The following CREBBP variants were observed in gnomAD, a reference collection of about 807,000 sequenced individuals.
CREBBP encodes CREB-binding protein.
In CREBBP, 19 loss-of-function variants were observed where a neutral mutation model predicts 265.0. The observed-to-expected ratio is 0.07, with a 90% CI of 0.05 to 0.11. The LOEUF (loss-of-function observed/expected upper bound fraction) is 0.11, where lower values mean the gene tolerates loss of function less well. Ranked by LOEUF, CREBBP falls within the 10% of genes least tolerant of loss-of-function variation. The pLI, the probability that CREBBP is intolerant of heterozygous loss-of-function variation, is 1.00. For missense variants in CREBBP, 2,525 were observed against 3,219.0 expected (o/e 0.78, Z 5.22); for synonymous variants, 1,457 against 1,223.7 (o/e 1.19, Z -3.98).
At chr16:3,818,411 G>T (rs556489880) in intron 2 of CREBBP, among the ~76,000 whole-genome samples, 1 of 149,794 alleles carries the variant, frequency 6.7e-6, no homozygotes, top group Non-Finnish European at 1.5e-5. Flanking sequence ...TGGTTCAAGC[G>T]ATTCTCCCGT....
At position 3,728,282 on chromosome 16, in the gene CREBBP, G is replaced by C. The variant is rs764545471; in HGVS notation, c.6765C>G (p.Pro2255=). 1 of 1,612,100 alleles carries C rather than the reference G, an allele frequency of 6.2e-7. No individual in the cohort carries two copies. The highest frequency in any genetic ancestry group is 1.7e-5 in the Admixed American group (1 of 59,946). The change falls in exon 31 of 31, where the codon CCC becomes CCG. Residue 2255 remains proline (P), a synonymous_variant. Coordinates refer to ENST00000262367, the MANE Select transcript of CREBBP (RefSeq NM_004380.3). This position sits in a 1 kb window ranked among gnomAD's most constrained non-coding sequence, Gnocchi z 8.7. The part of the protein sequence containing the change: ...QQQQRMQQHL[P]LQGSSMGQMA... ...TCTGGCCCATGGAGCTGCCCTGGAG[G>C]GGGAGATGCTGCTGCATGCGCTGCT...
rs768978068 is a variant in CREBBP at position 3,728,505 on chromosome 16, T to C, written c.6542A>G (p.Asn2181Ser). 3.1e-6 allele frequency: 5 copies of C among 1,613,952 alleles called. No individual in the cohort carries two copies. The highest frequency in any genetic ancestry group is 3.3e-4 in the Middle Eastern group (2 of 6,062). The change falls in exon 31 of 31, where the codon AAC becomes AGC. Residue 2181 changes from asparagine (N) to serine (S), a missense_variant. By Grantham distance (46) the Asn-to-Ser change is conservative. Coordinates refer to ENST00000262367, the MANE Select transcript of CREBBP (RefSeq NM_004380.3). This position sits in a 1 kb window ranked among gnomAD's most constrained non-coding sequence, Gnocchi z 8.7. ...GTACTGTGGATTCATACTCGCCATG[T>C]TGGGGTTGTGTCCTGGGTTCATGAT... is the stretch of plus-strand genomic sequence containing the variant. ...LNIMNPGHNPNMASMNPQYRE... is the reference protein window; with the variant it reads ...LNIMNPGHNPSMASMNPQYRE...
chr16:3,726,594 A>G lies in CREBBP; in HGVS notation c.*1124T>C, dbSNP rs1366544624. On this transcript the variant is annotated 3_prime_UTR_variant, in exon 31 of 31. Transcript: ENST00000262367. ...CAAAGAACAGACTCAAAAAATATAT[A>G]TAAATAAATAAAAACCTTAAACATT... is the stretch of plus-strand genomic sequence containing the variant. The G allele has an allele frequency of 4.3e-6, 1 of 233,530 alleles. No individual in the cohort carries two copies. The highest frequency in any genetic ancestry group is 8.5e-6 in the Non-Finnish European group (1 of 118,048). 14.5% of individuals were successfully genotyped at this position (233,530 alleles called of 1,614,324 possible).
chr16:3,732,934 G>A (rs545558631), intron 28 of CREBBP, among the ~76,000 whole-genome samples: 78 of 152,060 alleles, frequency 5.1e-4, no homozygotes, highest in Middle Eastern at 6.8e-3. Flanking sequence ...TCCGGACCTC[G>A]GGTGATCCGC....
chr16:3,835,976 T>C (rs12051219), intron 2 of CREBBP, among the ~76,000 whole-genome samples: 14 of 152,130 alleles, frequency 9.2e-5, no homozygotes, highest in Admixed American at 2.0e-4. Flanking sequence ...CAAAACAGAA[T>C]ACCATTTAGC....
At chr16:3,878,757 C>T (rs900242859) in intron 1 of CREBBP, among the ~76,000 whole-genome samples, 1 of 152,140 alleles carries the variant, frequency 6.6e-6, no homozygotes, top group Non-Finnish European at 1.5e-5. Context: ...ATGCAAGCTG[C>T]GCTGGAGATG....
chr16:3,729,803 G>A lies in CREBBP; in HGVS notation c.5244C>T (p.Gly1748=). ...CCTGGCTGCTGCCCTCGTCATCCAGGCCCAGCCCCCACTTCACCATCTTAT... is the reference window on the plus strand; with the variant it reads ...CCTGGCTGCTGCCCTCGTCATCCAGACCCAGCCCCCACTTCACCATCTTAT... ...HAHKMVKWGL[G]LDDEGSSQGE... is the part of the protein sequence containing the mutation. Residue 1748 remains glycine (G), a synonymous_variant, in exon 31 of 31, where the codon GGC becomes GGT. Transcript: ENST00000262367. 1 of 1,605,962 alleles carries A rather than the reference G, an allele frequency of 6.2e-7. No homozygotes were observed.
intron 1 of CREBBP, among the ~76,000 whole-genome samples, chr16:3,853,386 G>T (rs1010425323): frequency 1.4e-5 from 2 of 146,130 alleles, no homozygotes; most frequent in Non-Finnish European, 3.0e-5. Flanking sequence ...CAAGGTAGGC[G>T]GATCACGAGG....
intron 17 of CREBBP, among the ~76,000 whole-genome samples, 161 bp downstream of exon 17, chr16:3,758,693 A>G (rs1299163681): frequency 2.0e-5 from 3 of 152,248 alleles, no homozygotes; most frequent in Non-Finnish European, 4.4e-5. Context: ...CAAACAAAAT[A>G]AACACTTTCA....
intron 13 of CREBBP, among the ~76,000 whole-genome samples, chr16:3,772,184 ATT>A (rs35580213): frequency 1.3e-5 from 2 of 149,422 alleles, no homozygotes; most frequent in African/African-American, 4.9e-5. Flanking sequence ...AGAAAAAGGT[ATT>A]TTTTTTTTAA....
chr16:3,736,026 G>C lies in CREBBP; in HGVS notation c.4728+10C>G, dbSNP rs765061112. The C allele has an allele frequency of 6.2e-7, 1 of 1,614,186 alleles. No individual in the cohort carries two copies. The highest frequency in any genetic ancestry group is 1.7e-5 in the Admixed American group (1 of 60,028). On this transcript the variant is annotated intron_variant, in intron 28 of 30. Coordinates refer to ENST00000262367, the MANE Select transcript of CREBBP (RefSeq NM_004380.3). ...CACGTGGGCAATGGAGCTCAGAGAA[G>C]GGTCTGTACCTCAGTGGTTTCACTG...
At chr16:3,869,639 T>C (rs1269788837) in intron 1 of CREBBP, among the ~76,000 whole-genome samples, 3 of 152,150 alleles carry the variant, frequency 2.0e-5, no homozygotes, top group African/African-American at 7.2e-5. Context: ...GTCACACTAA[T>C]CACAATTCAA....
rs536507395 is a variant in CREBBP at position 3,870,250 on chromosome 16, G to A, written c.85+9582C>T. 2.0e-5 allele frequency among the ~76,000 whole-genome samples: 3 copies of A among 152,248 alleles called. No homozygotes were observed. The South Asian group carries it at 6.2e-4, about 32-fold the overall frequency. ...AGGAGGAGAAAAGTCACACAGTACA[G>A]CACAGAGCTGAATCTGTTCCTTTCA... On this transcript the variant is annotated intron_variant, in intron 1 of 30. Coordinates refer to ENST00000262367, the MANE Select transcript of CREBBP (RefSeq NM_004380.3).
At chr16:3,823,957 AACACACACACACAC>A (rs57902688) in intron 2 of CREBBP, among the ~76,000 whole-genome samples, 13 of 148,132 alleles carry the variant, frequency 8.8e-5, no homozygotes, top group African/African-American at 2.0e-4. Flanking sequence ...AGGCTGTGGC[AACACACACACACAC>A]ACACACACAC....
chr16:3,812,918 G>C (rs1484191138), intron 2 of CREBBP: 2 of 205,232 alleles, frequency 9.7e-6, no homozygotes, highest in African/African-American at 4.6e-5. Context: ...TCATAGCTCA[G>C]TTCTCTCCAT....
chr16:3,848,900 C>T (rs958615992), intron 2 of CREBBP, among the ~76,000 whole-genome samples: 11 of 152,154 alleles, frequency 7.2e-5, no homozygotes, highest in Non-Finnish European at 4.4e-5. Context: ...AAGACAAATG[C>T]AATTTAAACA....
intron 2 of CREBBP, among the ~76,000 whole-genome samples, chr16:3,815,608 G>C (rs1326792189): frequency 6.7e-6 from 1 of 149,556 alleles, no homozygotes; most frequent in African/African-American, 2.5e-5. Flanking sequence ...TCAGGATTTG[G>C]TTTAATGCTG....
chr16:3,828,298 G>C (rs1200167976), intron 2 of CREBBP, among the ~76,000 whole-genome samples: 1 of 152,106 alleles, frequency 6.6e-6, no homozygotes. Flanking sequence ...CTCCATGTTG[G>C]TCAGGCTGGT....
At chr16:3,739,927 A>G (rs1186148372) in intron 24 of CREBBP, among the ~76,000 whole-genome samples, 1 of 152,172 alleles carries the variant, frequency 6.6e-6, no homozygotes, top group Non-Finnish European at 1.5e-5. Context: ...TTCCCTCACT[A>G]GGGAACTGCA....
Sources: gnomAD v4.1 joint callset for allele counts (sites outside exome capture counted in the v4.1 genomes callset) on GRCh38, gnomAD v4.1.1 for gene constraint, Gnocchi (gnomAD v3.1) non-coding constraint, MANE v1.5 for transcripts, NCBI Gene and HGNC (gene_info 2026-07-23, HGNC 2026-07-21) for gene names.